Variants in GRAMD1C observed in about 807,000 individuals in gnomAD.
GRAMD1C encodes the protein protein Aster-C.
GRAMD1C carries 89 observed loss-of-function variants against 97.8 expected under a neutral mutation model. The observed-to-expected ratio is 0.91, with a 90% CI of 0.77 to 1.09. The LOEUF is 1.09. Among genes scored for constraint, GRAMD1C ranks in the 50% least tolerant of loss-of-function variants. The pLI is 0.00. For synonymous variants in GRAMD1C, 256 were observed against 267.0 expected (o/e 0.96, Z 0.40); for missense variants, 740 against 766.4 (o/e 0.97, Z 0.41).
At chr3:113,894,670 G>A (rs186059663) in intron 6 of GRAMD1C, among the ~76,000 whole-genome samples, 29 of 152,268 alleles carry the variant, frequency 1.9e-4, no homozygotes, top group South Asian at 1.9e-3. Flanking sequence ...AAATTTAAGA[G>A]TATATTCTGA....
intron 3 of GRAMD1C, among the ~76,000 whole-genome samples, chr3:113,873,142 C>T (rs1934898647): frequency 6.8e-6 from 1 of 148,062 alleles, no homozygotes; most frequent in Non-Finnish European, 1.5e-5. Context: ...CGCTTTTAAT[C>T]CCAGCTACTC....
intron 6 of GRAMD1C, among the ~76,000 whole-genome samples, chr3:113,897,051 G>A (rs958247222): frequency 2.6e-5 from 4 of 152,098 alleles, no homozygotes; most frequent in East Asian, 1.9e-4. Context: ...GAGATGTGCC[G>A]GGTGCTTAGT....
Position 113,945,715 on chromosome 3 carries a change from C to T in GRAMD1C, c.*237C>T, listed in dbSNP as rs187651442. 4.6e-4 allele frequency: 205 copies of T among 446,830 alleles called. 1 individual carries two copies. Among genetic ancestry groups the T allele is most frequent in the African/African-American group, 3.7e-3 (181 of 49,010 alleles). The allele number at this position is 446,830 out of a possible 1,614,324, so 27.7% of individuals were successfully genotyped here. A position where few individuals can be genotyped will look rare whatever the true frequency, so the allele number is the denominator to read the frequency against. ...TAAGCTGTGAATTTCTTCAGTGAAC[C>T]ATGAAATATATTATAGAACTGAATT... On this transcript the variant is annotated 3_prime_UTR_variant, in exon 18 of 18. Coordinates refer to ENST00000358160, the MANE Select transcript of GRAMD1C (RefSeq NM_017577.5).
At chr3:113,836,895 C>T (rs1175719389), upstream of GRAMD1C, among the ~76,000 whole-genome samples, 1 of 152,134 alleles carries the variant, frequency 6.6e-6, no homozygotes, top group African/African-American at 2.4e-5. Flanking sequence ...CCTCCCACCT[C>T]AGCCTCCCAA....
intron 2 of GRAMD1C, among the ~76,000 whole-genome samples, chr3:113,863,607 G>C (rs1232077079): frequency 6.6e-6 from 1 of 152,086 alleles, no homozygotes; most frequent in Non-Finnish European, 1.5e-5. Context: ...ATTGCAAAAG[G>C]ATGAATTCTA....
chr3:113,885,576 A>C, intron 6 of GRAMD1C: 2 of 1,552,558 alleles, frequency 1.3e-6, no homozygotes, highest in Non-Finnish European at 1.8e-6. Context: ...TCCTGACTTC[A>C]TCCTCAAGGT....
chr3:113,873,636 G>A (rs1452949175), intron 3 of GRAMD1C, among the ~76,000 whole-genome samples: 11 of 151,592 alleles, frequency 7.3e-5, no homozygotes, highest in African/African-American at 1.7e-4. Context: ...CTCATGCCTC[G>A]GCCTCCCGAG....
Position 113,933,600 on chromosome 3 carries a change from T to A in GRAMD1C, c.1299T>A (p.Tyr433Ter). Residue 433 changes from tyrosine to a stop codon, truncating the protein, a stop_gained, in exon 12 of 18, where the codon TAT becomes TAA. Transcript: ENST00000358160. LOFTEE classifies it high-confidence loss of function. Reference protein sequence around the residue: ...THDVPYHDYFYTVNRYCIIRS... With the variant: ...THDVPYHDYF ...ATGTCCCCTACCATGATTACTTCTA[T>A]ACCGTGAACAGATACTGTATCATCC... 3.1e-6 allele frequency: 5 copies of A among 1,604,886 alleles called. No homozygotes were observed. Among genetic ancestry groups the A allele is most frequent in the Non-Finnish European group, 4.3e-6 (5 of 1,171,586 alleles).
intron 5 of GRAMD1C, 123 bp downstream of exon 5, chr3:113,876,383 T>C (rs1935034598): frequency 1.6e-6 from 1 of 606,932 alleles, no homozygotes; most frequent in Non-Finnish European, 3.0e-6. Flanking sequence ...ACACATATGT[T>C]TAATACTAGA....
chr3:113,865,053 G>A (rs1934533542), intron 2 of GRAMD1C, among the ~76,000 whole-genome samples: 1 of 152,148 alleles, frequency 6.6e-6, no homozygotes, highest in South Asian at 2.1e-4. Flanking sequence ...TTCAAGATCA[G>A]GTGGTCTCAT....
intron 10 of GRAMD1C, chr3:113,919,497 A>C: frequency 1.9e-6 from 1 of 533,786 alleles, no homozygotes; most frequent in Non-Finnish European, 3.8e-6. Context: ...AACCTAATGA[A>C]AGAACTAGCC....
rs145215024 is a variant in GRAMD1C, at chr3:113,832,073, A to G, written n.98+3794A>G. On this transcript the variant is annotated intron_variant and non_coding_transcript_variant, in intron 1 of 18. Transcript: ENST00000479212. ...GAGACAGAGTCTTACTCTGTCGCTCAGGCTGGAGTGCAGTGTGCAGTGGTG... is the reference window on the plus strand; with the variant it reads ...GAGACAGAGTCTTACTCTGTCGCTCGGGCTGGAGTGCAGTGTGCAGTGGTG... Among the ~76,000 whole-genome samples, 515 of 149,990 alleles carry G rather than the reference A, an allele frequency of 3.4e-3. 5 individuals are homozygous for G. Among genetic ancestry groups the G allele is most frequent in the Admixed American group, 8.8e-3 (132 of 15,076 alleles).
Position 113,901,105 on chromosome 3 carries a change from G to A in GRAMD1C, c.615G>A (p.Glu205=), listed in dbSNP as rs181725618. 6 of 1,609,540 alleles carry A rather than the reference G, an allele frequency of 3.7e-6. No individual in the cohort carries two copies. Among genetic ancestry groups the A allele is most frequent in the Non-Finnish European group, 5.1e-6 (6 of 1,176,122 alleles). The change falls in exon 7 of 18, where the codon GAG becomes GAA. Residue 205 remains glutamate (E), a synonymous_variant. Transcript: ENST00000358160. ...CTGAGCTAGGTTTAAATGCTGAGGAGATGGAAAACTTGTCACTGTCGATTG... is the reference window on the plus strand; with the variant it reads ...CTGAGCTAGGTTTAAATGCTGAGGAAATGGAAAACTTGTCACTGTCGATTG... ...YGTELGLNAE[E]MENLSLSIED... is the part of the protein sequence containing the mutation.
chr3:113,909,976 A>G (rs1269229257), intron 9 of GRAMD1C, among the ~76,000 whole-genome samples: 1 of 152,218 alleles, frequency 6.6e-6, no homozygotes, highest in Admixed American at 6.5e-5. Context: ...TTTTTACTGT[A>G]GTCAATTTCC....
chr3:113,877,938 C>T (rs190952637), intron 5 of GRAMD1C, among the ~76,000 whole-genome samples: 1 of 152,076 alleles, frequency 6.6e-6, no homozygotes, highest in African/African-American at 2.4e-5. Flanking sequence ...CCACCATGCC[C>T]AGCTTATCTT....
chr3:113,905,221 CT>C lies in GRAMD1C; in HGVS notation c.789+951del, dbSNP rs551341273. 1.8e-4 allele frequency among the ~76,000 whole-genome samples: 27 copies of C among 152,334 alleles called. No individual in the cohort carries two copies. In the South Asian group the frequency reaches 5.4e-3, roughly 30 times the overall value. On this transcript the variant is annotated intron_variant, in intron 8 of 17. Coordinates refer to ENST00000358160, the MANE Select transcript of GRAMD1C (RefSeq NM_017577.5). ...TTGCTCCCTCTGCCAATGGGAGCCCCTTCAAGTTGGTTCCTTTGGCCTTTTG... is the reference window on the plus strand; with the variant it reads ...TTGCTCCCTCTGCCAATGGGAGCCCCTCAAGTTGGTTCCTTTGGCCTTTTG...
chr3:113,884,436 A>G (rs1935372159), intron 6 of GRAMD1C, among the ~76,000 whole-genome samples: 1 of 152,196 alleles, frequency 6.6e-6, no homozygotes, highest in East Asian at 1.9e-4. Context: ...ACATACCAAA[A>G]CCTATGGGAT....
chr3:113,874,943 G>C (rs538249828), intron 3 of GRAMD1C, among the ~76,000 whole-genome samples: 2 of 152,052 alleles, frequency 1.3e-5, no homozygotes, highest in African/African-American at 4.8e-5. Context: ...AAAGGTCATC[G>C]GTGGCATCTC....
At chr3:113,904,108 C>A (rs751713626) in intron 7 of GRAMD1C, 32 bp from the exon 8 acceptor site, 5 of 1,578,662 alleles carry the variant, frequency 3.2e-6, no homozygotes, top group Non-Finnish European at 4.3e-6. Flanking sequence ...TGGAGGTGAC[C>A]TTATATTTCT....
Sources: allele counts gnomAD v4.1 joint callset (sites outside exome capture counted in the v4.1 genomes callset), GRCh38; gene constraint gnomAD v4.1.1; transcripts MANE v1.5; gene names NCBI Gene and HGNC (gene_info 2026-07-23, HGNC 2026-07-21).